ZNF251: variants seen among roughly 807,000 people sequenced by gnomAD.
ZNF251 encodes the protein zinc finger protein 251.
A neutral mutation model predicts 13.5 loss-of-function variants in ZNF251; 14 were observed. The observed-to-expected ratio is 1.04, with a 90% CI of 0.69 to 1.63. The LOEUF is 1.63. Ranked by LOEUF, ZNF251 falls within the 40% of genes most tolerant of loss-of-function variation. The pLI is 0.00. For missense variants in ZNF251, 764 were observed against 834.9 expected, an observed-to-expected ratio of 0.92 and a Z score of 1.05; for synonymous variants, 287 against 295.2, an observed-to-expected ratio of 0.97 and a Z score of 0.28.
intron 4 of ZNF251, among the ~76,000 whole-genome samples, chr8:144,749,294 C>A (rs948638458): frequency 2.0e-5 from 3 of 152,106 alleles, no homozygotes; most frequent in African/African-American, 7.2e-5. Context: ...CAAGACCAGC[C>A]TGGACAATAT....
At chr8:144,732,625 A>G (rs984264867) in intron 4 of ZNF251, among the ~76,000 whole-genome samples, 7 of 151,040 alleles carry the variant, frequency 4.6e-5, no homozygotes, top group Non-Finnish European at 1.0e-4. Context: ...ATCCTGGCCA[A>G]CACGGTGAAA....
rs1823370205 is a variant in ZNF251, at chr8:144,721,456, G to C, written c.*188C>G. ...TGAGCACAGCAGTAACCTTTACACA[G>C]ACAGCCTGATTTCCCAGAATGAATT... On this transcript the variant is annotated 3_prime_UTR_variant, in exon 5 of 5. Transcript: ENST00000292562. 1 of 564,214 alleles carries C rather than the reference G, an allele frequency of 1.8e-6. No individual in the cohort carries two copies. Among genetic ancestry groups the C allele is most frequent in the African/African-American group, 1.9e-5 (1 of 51,566 alleles). The allele number at this position is 564,214 out of a possible 1,614,324, so 35.0% of individuals were successfully genotyped here.
chr8:144,751,914 A>C (rs922711770), intron 4 of ZNF251, among the ~76,000 whole-genome samples: 3 of 152,158 alleles, frequency 2.0e-5, no homozygotes, highest in African/African-American at 7.2e-5. Flanking sequence ...TGCTACATTA[A>C]TATTAGATAA....
chr8:144,744,082 C>T (rs575940933), intron 4 of ZNF251, among the ~76,000 whole-genome samples: 12 of 143,394 alleles, frequency 8.4e-5, no homozygotes, highest in African/African-American at 2.3e-4. Flanking sequence ...GGCTCAGTCT[C>T]GGCTCACTGC....
Position 144,721,755 on chromosome 8 carries a change from T to C in ZNF251, c.1905A>G (p.Ser635=). The C allele has an allele frequency of 1.4e-6, 2 of 1,444,394 alleles. No homozygotes were observed. The highest frequency in any genetic ancestry group is 1.8e-6 in the Non-Finnish European group (2 of 1,095,586). 89.5% of individuals were successfully genotyped at this position (1,444,394 alleles called of 1,614,324 possible). A position where few individuals can be genotyped will look rare whatever the true frequency, so the allele number is the denominator to read the frequency against. The change falls in exon 5 of 5, where the codon TCA becomes TCG. Residue 635 remains serine (S), a synonymous_variant. Coordinates refer to ENST00000292562, the MANE Select transcript of ZNF251 (RefSeq NM_138367.2). Reference sequence around the variant, plus strand: ...GAGTCTGCTGAGGTGGTGTGAGCTGTGAACTCTGGCTGAAGGCTTTCCCAT... The same window carrying C: ...GAGTCTGCTGAGGTGGTGTGAGCTGCGAACTCTGGCTGAAGGCTTTCCCAT... ...SVYGKAFSQS[S]QLTPPQQTRV... is the part of the protein sequence containing the mutation.
chr8:144,733,202 G>C (rs1240132076), intron 4 of ZNF251, among the ~76,000 whole-genome samples: 4 of 152,224 alleles, frequency 2.6e-5, no homozygotes, highest in Admixed American at 1.3e-4. Flanking sequence ...CTGGGCAACA[G>C]AGGGAGACTC....
chr8:144,727,655 C>T (rs1048504635), intron 4 of ZNF251, among the ~76,000 whole-genome samples: 4 of 152,150 alleles, frequency 2.6e-5, no homozygotes, highest in African/African-American at 9.7e-5. Context: ...TGAGGCGAAG[C>T]TTTGGCTTAA....
At chr8:144,735,776 G>A (rs538547750) in intron 4 of ZNF251, among the ~76,000 whole-genome samples, 1 of 152,268 alleles carries the variant, frequency 6.6e-6, no homozygotes, top group East Asian at 1.9e-4. Flanking sequence ...CAGCAAGAGG[G>A]GTCTGTTGTC....
intron 4 of ZNF251, among the ~76,000 whole-genome samples, chr8:144,736,715 C>G (rs1167440418): frequency 6.6e-6 from 1 of 151,286 alleles, no homozygotes; most frequent in East Asian, 2.0e-4. Context: ...TGGTCTTGAA[C>G]TCCCGACCTC....
chr8:144,721,512 G>T lies in ZNF251; in HGVS notation c.*132C>A. The T allele has an allele frequency of 1.1e-6, 1 of 939,518 alleles. No homozygotes were observed. Among genetic ancestry groups the T allele is most frequent in the South Asian group, 5.3e-5 (1 of 18,780 alleles). 58.2% of individuals were successfully genotyped at this position (939,518 alleles called of 1,614,324 possible). ...GTTTACTTCCAGATTTAATGACTTT[G>T]ACTTTAGTAGTCATCTGAACTATTT... On this transcript the variant is annotated 3_prime_UTR_variant, in exon 5 of 5. Coordinates refer to ENST00000292562, the MANE Select transcript of ZNF251 (RefSeq NM_138367.2).
At chr8:144,754,993 G>C in intron 1 of ZNF251, 190 bp from the exon 2 acceptor site, 1 of 1,395,544 alleles carries the variant, frequency 7.2e-7, no homozygotes, top group Non-Finnish European at 9.3e-7. Context: ...GAGCCCGGGG[G>C]GATCCAGGGA....
intron 4 of ZNF251, among the ~76,000 whole-genome samples, chr8:144,744,666 C>A (rs1400557187): frequency 6.6e-6 from 1 of 152,158 alleles, no homozygotes; most frequent in Non-Finnish European, 1.5e-5. Context: ...TGTGAGGACA[C>A]AGTGAGAAGG....
chr8:144,754,186 CCT>C lies in ZNF251; in HGVS notation c.163+4_163+5del. 1 of 1,610,868 alleles carries C rather than the reference CCT, an allele frequency of 6.2e-7. No individual in the cohort carries two copies. Among genetic ancestry groups the C allele is most frequent in the Non-Finnish European group, 8.5e-7 (1 of 1,178,072 alleles). On this transcript the variant is annotated splice_donor_5th_base_variant and intron_variant, in intron 3 of 4. Coordinates refer to ENST00000292562, the MANE Select transcript of ZNF251 (RefSeq NM_138367.2). ...TGCGAACCAGGCCAAGTGCAGAGAGCCTCACCCAGAGAGGCCACGTTCCCATA... is the reference window on the plus strand; with the variant it reads ...TGCGAACCAGGCCAAGTGCAGAGAGCCACCCAGAGAGGCCACGTTCCCATA...
In ZNF251 at chr8:144,734,515, G is replaced by A. The variant is rs1004968458; in HGVS notation, c.278-11133C>T. Among the ~76,000 whole-genome samples the A allele has an allele frequency of 1.3e-5, 2 of 152,186 alleles. No homozygotes were observed. The highest frequency in any genetic ancestry group is 2.9e-5 in the Non-Finnish European group (2 of 68,036). On this transcript the variant is annotated intron_variant, in intron 4 of 4. Coordinates refer to ENST00000292562, the MANE Select transcript of ZNF251 (RefSeq NM_138367.2). This position sits in a 1 kb window ranked among gnomAD's most constrained non-coding sequence, Gnocchi z 4.4. Reference sequence around the variant, plus strand: ...AACGGCATGAACTCTACTTGGTGCCGCTGGCCCTGTGGTCCTGGGGCCTGG... The same window carrying A: ...AACGGCATGAACTCTACTTGGTGCCACTGGCCCTGTGGTCCTGGGGCCTGG...
At chr8:144,732,232 T>A (rs1233209665) in intron 4 of ZNF251, among the ~76,000 whole-genome samples, 3 of 152,136 alleles carry the variant, frequency 2.0e-5, no homozygotes, top group Non-Finnish European at 4.4e-5. Flanking sequence ...TGTGAGCCAC[T>A]GTGCCCAGCC....
intron 4 of ZNF251, among the ~76,000 whole-genome samples, chr8:144,732,176 C>G (rs535870421): frequency 6.6e-6 from 1 of 152,216 alleles, no homozygotes; most frequent in South Asian, 2.1e-4. Context: ...CTCCTGGCCT[C>G]AAGTGATCCG....
chr8:144,750,452 T>A (rs192371941), intron 4 of ZNF251, among the ~76,000 whole-genome samples: 70 of 152,204 alleles, frequency 4.6e-4, no homozygotes, highest in African/African-American at 1.6e-3. Flanking sequence ...GTTAGGTATT[T>A]CCCTTCCCCC....
At chr8:144,740,954 C>CA (rs538415506) in intron 4 of ZNF251, among the ~76,000 whole-genome samples, 40 of 150,428 alleles carry the variant, frequency 2.7e-4, no homozygotes, top group South Asian at 4.2e-4. Flanking sequence ...AAAAAAGAAA[C>CA]AAAAAAAAAC....
At chr8:144,748,471 CTA>C (rs897741918) in intron 4 of ZNF251, among the ~76,000 whole-genome samples, 16 of 152,152 alleles carry the variant, frequency 1.1e-4, no homozygotes, top group African/African-American at 3.9e-4. Flanking sequence ...CTTTGGATTA[CTA>C]TCTTTCTCCA....
Sources: allele counts gnomAD v4.1 joint callset (sites outside exome capture counted in the v4.1 genomes callset), GRCh38; gene constraint gnomAD v4.1.1; non-coding constraint Gnocchi (gnomAD v3.1); transcripts MANE v1.5; gene names NCBI Gene and HGNC (gene_info 2026-07-23, HGNC 2026-07-21).